Variants in REN observed in about 807,000 individuals in gnomAD.
REN encodes renin.
Under a neutral mutation model 48.6 loss-of-function variants are expected in REN, and 42 were observed. The observed-to-expected ratio is 0.86, with a 90% confidence interval of 0.68 to 1.12. The LOEUF (loss-of-function observed/expected upper bound fraction) is 1.12. REN is among the 50% of genes most tolerant of loss of function. The pLI is 0.00. For missense variants in REN, 443 were observed against 527.3 expected (o/e 0.84, Z 1.57); for synonymous variants, 196 against 204.6 (o/e 0.96, Z 0.36).
At chr1:204,162,254 C>T (rs1658259839) in intron 1 of REN, 91 bp from the exon 2 acceptor site, 6 of 1,431,194 alleles carry the variant, frequency 4.2e-6, no homozygotes, top group Non-Finnish European at 5.8e-6. Flanking sequence ...GCTTTTAGTA[C>T]AACCACCTTT....
chr1:204,160,398 T>C (rs1241500427), intron 4 of REN, among the ~76,000 whole-genome samples, 162 bp downstream of exon 4: 8 of 152,196 alleles, frequency 5.3e-5, no homozygotes. Flanking sequence ...GTACTGCTGC[T>C]TTGCAGCAAC....
At chr1:204,165,379 A>G (rs1658325744) in intron 1 of REN, among the ~76,000 whole-genome samples, 1 of 152,244 alleles carries the variant, frequency 6.6e-6, no homozygotes, top group African/African-American at 2.4e-5. Context: ...TCCCCAAAGC[A>G]GCCCCATCAA....
chr1:204,164,226 A>C (rs1658298100), intron 1 of REN, among the ~76,000 whole-genome samples: 1 of 152,190 alleles, frequency 6.6e-6, no homozygotes. Context: ...CTCACAACCC[A>C]GCAATTACTC....
chr1:204,156,546 ATGG>A lies in REN; in HGVS notation c.818+128_818+130del. ...CCTGGACAGAGCAGGCAGAGAGCAAATGGTGGCTGTGCTTAAGAAGTGGCTGCA... is the reference window on the plus strand; with the variant it reads ...CCTGGACAGAGCAGGCAGAGAGCAAATGGCTGTGCTTAAGAAGTGGCTGCA... On this transcript the variant is annotated intron_variant, in intron 7 of 9. Transcript: ENST00000272190. The surrounding 1 kb of genome is among the most constrained non-coding windows in gnomAD (Gnocchi z 4.2). 7.0e-7 allele frequency: 1 copy of A among 1,419,794 alleles called. No individual in the cohort carries two copies. Among genetic ancestry groups the A allele is most frequent in the Non-Finnish European group, 9.9e-7 (1 of 1,012,708 alleles). The allele number at this position is 1,419,794 out of a possible 1,614,324, so 87.9% of individuals were successfully genotyped here. A position where few individuals can be genotyped will look rare whatever the true frequency, so the allele number is the denominator to read the frequency against.
At chr1:204,162,560 C>A (rs11571107) in intron 1 of REN, among the ~76,000 whole-genome samples, 2 of 152,174 alleles carry the variant, frequency 1.3e-5, no homozygotes, top group Non-Finnish European at 2.9e-5. Context: ...CTCCACCTGG[C>A]GGGAGGACAG....
rs1485510052 is a variant in REN at position 204,160,635 on chromosome 1, C to T, written c.417G>A (p.Lys139=). ...GGAGGGTGAGTTCTGTTCCATTGTG[C>T]TTGTAGCTGGAGGAATCCGAAGCAT... ...LFDASDSSSY[K]HNGTELTLRY... is the part of the protein sequence containing the mutation. Residue 139 remains lysine, a synonymous_variant, in exon 4 of 10, where the codon AAG becomes AAA. Coordinates refer to ENST00000272190, the MANE Select transcript of REN (RefSeq NM_000537.4). 6.2e-7 allele frequency: 1 copy of T among 1,614,132 alleles called. No individual in the cohort carries two copies. The highest frequency in any genetic ancestry group is 8.5e-7 in the Non-Finnish European group (1 of 1,180,000).
intron 9 of REN, 76 bp from the exon 10 acceptor site, chr1:204,155,253 C>G: frequency 1.3e-6 from 2 of 1,537,400 alleles, no homozygotes; most frequent in Non-Finnish European, 1.8e-6. Flanking sequence ...CCCCCAGCAA[C>G]TGTCTTCAGC....
rs776071450 is a variant in REN at position 204,156,180 on chromosome 1, C to G, written c.958G>C (p.Asp320His). The G allele has an allele frequency of 1.9e-6, 3 of 1,614,130 alleles. No homozygotes were observed. In the Admixed American group the frequency reaches 5.0e-5, roughly 27 times the overall value. Residue 320 changes from aspartate (D) to histidine (H), a missense_variant and splice_region_variant, in exon 8 of 10, where the codon GAT becomes CAT. Transcript: ENST00000272190. This position sits in a 1 kb window ranked among gnomAD's most constrained non-coding sequence, Gnocchi z 4.2. Reference sequence around the variant, plus strand: ...ACCTTCCCTCTTTGGCTTCTTACATCAAACAGCCTCTTCTTGGCTCCCAAG... The same window carrying G: ...ACCTTCCCTCTTTGGCTTCTTACATGAAACAGCCTCTTCTTGGCTCCCAAG... ...EALGAKKRLF[D>H]YVVKCNEGPT... is the part of the protein sequence containing the mutation.
intron 3 of REN, among the ~76,000 whole-genome samples, 192 bp downstream of exon 3, chr1:204,161,100 T>C (rs1339269113): frequency 1.3e-5 from 2 of 152,024 alleles, no homozygotes; most frequent in African/African-American, 4.8e-5. Flanking sequence ...TTTTTTTGTT[T>C]TTAACCTTGG....
At chr1:204,160,804 G>A (rs1658231990) in intron 3 of REN, 126 bp from the exon 4 acceptor site, 1 of 785,124 alleles carries the variant, frequency 1.3e-6, no homozygotes, top group African/African-American at 1.7e-5. Context: ...AGGGTCAGGG[G>A]GCTTGGAATA....
chr1:204,160,360 C>T lies in REN; in HGVS notation c.492+200G>A, dbSNP rs1658220740. ...CATCCACAAACCACCCAACGGTGAG[C>T]CCGTAGCCCAGGCTTGCTCCCCCAT... On this transcript the variant is annotated intron_variant, in intron 4 of 9. Transcript: ENST00000272190. 2.0e-5 allele frequency among the ~76,000 whole-genome samples: 3 copies of T among 152,228 alleles called. No individual in the cohort carries two copies. The South Asian group carries it at 6.2e-4, about 31-fold the overall frequency.
In REN at chr1:204,161,353, G is replaced by A; in HGVS notation, c.312C>T (p.Asp104=). 1 of 1,608,838 alleles carries A rather than the reference G, an allele frequency of 6.2e-7. No individual in the cohort carries two copies. The highest frequency in any genetic ancestry group is 1.1e-5 in the South Asian group (1 of 89,620). ...GCACCCAAACATTGGACGAACCAGTGTCAAAGACGACTTTGAAGGTCTGGG... is the reference window on the plus strand; with the variant it reads ...GCACCCAAACATTGGACGAACCAGTATCAAAGACGACTTTGAAGGTCTGGG... ...TPPQTFKVVF[D]TGSSNVWVPS... Residue 104 remains aspartate, a synonymous_variant, in exon 3 of 10, where the codon GAC becomes GAT. Transcript: ENST00000272190.
chr1:204,165,683 C>A (rs1358606783), intron 1 of REN, among the ~76,000 whole-genome samples: 1 of 152,004 alleles, frequency 6.6e-6, no homozygotes, highest in Non-Finnish European at 1.5e-5. Flanking sequence ...CTCCACCTTC[C>A]GGGCTCAAAC....
At chr1:204,157,964 C>T (rs1658177539) in intron 5 of REN, among the ~76,000 whole-genome samples, 1 of 152,096 alleles carries the variant, frequency 6.6e-6, no homozygotes, top group African/African-American at 2.4e-5. Context: ...ACTCCAGTGC[C>T]CCCATTTAGC....
chr1:204,161,419 T>TG lies in REN; in HGVS notation c.250-5dup, dbSNP rs753208207. ...CAATCTCGCCATAGTACTGGGTCTG[T>TG]GGGGGTAAAAAGAGAGGGCTGGAGG... On this transcript the variant is annotated splice_polypyrimidine_tract_variant and splice_region_variant and intron_variant, in intron 2 of 9. Coordinates refer to ENST00000272190, the MANE Select transcript of REN (RefSeq NM_000537.4). 1.3e-6 allele frequency: 2 copies of TG among 1,545,588 alleles called. No individual in the cohort carries two copies. The highest frequency in any genetic ancestry group is 1.8e-6 in the Non-Finnish European group (2 of 1,142,400).
At chr1:204,161,916 C>A in intron 2 of REN, 97 bp downstream of exon 2, 1 of 1,513,712 alleles carries the variant, frequency 6.6e-7, no homozygotes. Context: ...CTTCGTCAAA[C>A]ACAGCTTGGA....
At position 204,162,168 on chromosome 1, in the gene REN, C is replaced by A; in HGVS notation, c.99-5G>T. 6.2e-7 allele frequency: 1 copy of A among 1,614,006 alleles called. No homozygotes were observed. The highest frequency in any genetic ancestry group is 8.5e-7 in the Non-Finnish European group (1 of 1,179,984). On this transcript the variant is annotated splice_region_variant and splice_polypyrimidine_tract_variant and intron_variant, in intron 1 of 9. Transcript: ENST00000272190. ...GGCATTCTCTTGAGGAAGATCCTGG[C>A]CCAGGGTGGAGGAAGCAAAAATAGA...
At chr1:204,160,471 C>A in intron 4 of REN, 89 bp downstream of exon 4, 1 of 872,106 alleles carries the variant, frequency 1.1e-6, no homozygotes, top group Admixed American at 1.7e-5. Flanking sequence ...CTGCAGTGTA[C>A]CTCCCCGCAG....
Position 204,166,329 on chromosome 1 carries a change from T to C in REN, c.-36A>G. 1 of 1,562,590 alleles carries C rather than the reference T, an allele frequency of 6.4e-7. No individual in the cohort carries two copies. Among genetic ancestry groups the C allele is most frequent in the Non-Finnish European group, 8.8e-7 (1 of 1,132,952 alleles). ...GTCTGGGGCTCTCTCTGAGATCCAC[T>C]GAGGTTCTGTGGCTCCCTTAGCCCT... On this transcript the variant is annotated 5_prime_UTR_variant, in exon 1 of 10. Transcript: ENST00000272190.
Sources: gnomAD v4.1 joint callset for allele counts (sites outside exome capture counted in the v4.1 genomes callset) on GRCh38, gnomAD v4.1.1 for gene constraint, Gnocchi (gnomAD v3.1) non-coding constraint, MANE v1.5 for transcripts, NCBI Gene and HGNC (gene_info 2026-07-23, HGNC 2026-07-21) for gene names.